CACNB2: variants seen among roughly 807,000 people sequenced by gnomAD.
CACNB2 encodes the protein voltage-dependent L-type calcium channel subunit beta-2.
A neutral mutation model predicts 73.3 loss-of-function variants in CACNB2; 42 were observed. That is an observed-to-expected ratio of 0.57 (90% CI 0.45 to 0.74). The LOEUF (loss-of-function observed/expected upper bound fraction) is 0.74. Ranked by LOEUF, CACNB2 falls within the 30% of genes least tolerant of loss-of-function variation. The pLI is 0.00. For missense variants in CACNB2, 940 were observed against 853.0 expected (o/e 1.10, Z -1.27); for synonymous variants, 348 against 310.3 (o/e 1.12, Z -1.28).
chr10:18,220,221 A>AGAGAGAGGG (rs1160775101), intron 2 of CACNB2, among the ~76,000 whole-genome samples: 3 of 57,268 alleles, frequency 5.2e-5, no homozygotes, highest in East Asian at 4.7e-4. Context: ...ATATATATAT[A>AGAGAGAGGG]TATATATATA....
In CACNB2 at chr10:18,543,554, C is replaced by T. The variant is rs963184314; in HGVS notation, c.*3830C>T. On this transcript the variant is annotated 3_prime_UTR_variant, in exon 14 of 14. Coordinates refer to ENST00000324631, the MANE Select transcript of CACNB2 (RefSeq NM_201596.3). ...GTTAAAATATATATTAATTTTCCCT[C>T]ACATTTCCCTGATTTTTTCACCTTA... 1.3e-5 allele frequency: 2 copies of T among 152,104 alleles called. No individual in the cohort carries two copies. Among genetic ancestry groups the T allele is most frequent in the African/African-American group, 4.8e-5 (2 of 41,416 alleles). 9.4% of individuals were successfully genotyped at this position (152,104 alleles called of 1,614,324 possible). A position where few individuals can be genotyped will look rare whatever the true frequency, so the allele number is the denominator to read the frequency against.
At position 18,539,365 on chromosome 10, in the gene CACNB2, C is replaced by T. The variant is rs750387227; in HGVS notation, c.1624C>T (p.Arg542Cys). The part of the protein sequence containing the change: ...SSSSAPHHNH[R>C]SGTSRGLSRQ... Reference sequence around the variant, plus strand: ...CTCCTCAGCCCCACACCACAACCATCGCAGTGGGACAAGTCGCGGCCTCTC... The same window carrying T: ...CTCCTCAGCCCCACACCACAACCATTGCAGTGGGACAAGTCGCGGCCTCTC... Residue 542 changes from arginine to cysteine, a missense_variant, in exon 14 of 14, where the codon CGC (arginine) becomes TGC (cysteine). Physicochemically the swap from Arg to Cys is radical, Grantham distance 180. Transcript: ENST00000324631. 7 of 1,614,000 alleles carry T rather than the reference C, an allele frequency of 4.3e-6. No individual in the cohort carries two copies. Among genetic ancestry groups the T allele is most frequent in the East Asian group, 2.2e-5 (1 of 44,874 alleles).
rs571951507 is a variant in CACNB2 at position 18,291,694 on chromosome 10, G to T, written c.214-110230G>T. Among the ~76,000 whole-genome samples the T allele has an allele frequency of 1.1e-4, 17 of 152,308 alleles. No individual in the cohort carries two copies. In the South Asian group the frequency reaches 3.3e-3, roughly 30 times the overall value. On this transcript the variant is annotated intron_variant, in intron 2 of 13. Coordinates refer to ENST00000324631, the MANE Select transcript of CACNB2 (RefSeq NM_201596.3). Reference sequence around the variant, plus strand: ...GATTTTCCATGTTGGTGAAACTATTGTTGACCGCTTCAGTACTGTATGTTG... The same window carrying T: ...GATTTTCCATGTTGGTGAAACTATTTTTGACCGCTTCAGTACTGTATGTTG...
chr10:18,463,283 G>A (rs4748469), intron 3 of CACNB2, among the ~76,000 whole-genome samples: 84,298 of 151,748 alleles, frequency 0.56, 25,486 homozygotes, highest in Non-Finnish European at 0.68. Context: ...CAGCATTTTC[G>A]GAGGCTGAGG....
intron 1 of CACNB2, among the ~76,000 whole-genome samples, chr10:18,144,989 G>A (rs78576113): frequency 1.3e-5 from 2 of 152,292 alleles, no homozygotes; most frequent in African/African-American, 4.8e-5. Flanking sequence ...AAGAGGAAAC[G>A]GAGGAGTAAC....
intron 2 of CACNB2, among the ~76,000 whole-genome samples, chr10:18,307,857 A>G (rs1377316910): frequency 1.3e-5 from 2 of 151,774 alleles, no homozygotes; most frequent in African/African-American, 4.9e-5. Flanking sequence ...ACATTTGCTT[A>G]CCCTGCAGAA....
rs568941317 is a variant in CACNB2, at chr10:18,292,652, T to C, written c.214-109272T>C. Among the ~76,000 whole-genome samples, 8 of 152,188 alleles carry C rather than the reference T, an allele frequency of 5.3e-5. No individual in the cohort carries two copies. The South Asian group carries it at 1.2e-3, about 24-fold the overall frequency. On this transcript the variant is annotated intron_variant, in intron 2 of 13. Transcript: ENST00000324631. ...GCCTGGGAGACAGAGTGAGACTCCATCTCAAAATAAAATAAAATTATATAT... is the reference window on the plus strand; with the variant it reads ...GCCTGGGAGACAGAGTGAGACTCCACCTCAAAATAAAATAAAATTATATAT...
At chr10:18,519,287 C>T (rs1392534655) in intron 9 of CACNB2, among the ~76,000 whole-genome samples, 1 of 152,188 alleles carries the variant, frequency 6.6e-6, no homozygotes, top group South Asian at 2.1e-4. Flanking sequence ...ATCCCTCTTC[C>T]ATTCACTTTT....
rs558589390 is a variant in CACNB2 at position 18,420,700 on chromosome 10, G to T, written c.333+18657G>T. Among the ~76,000 whole-genome samples the T allele has an allele frequency of 1.4e-4, 22 of 152,188 alleles. No individual in the cohort carries two copies. In the East Asian group the frequency reaches 4.3e-3, roughly 29 times the overall value. Reference sequence around the variant, plus strand: ...ATACCCAGAAATATTGTTTAAATTTGCACCCTGTGGTGCAATCAAGTTGAC... The same window carrying T: ...ATACCCAGAAATATTGTTTAAATTTTCACCCTGTGGTGCAATCAAGTTGAC... On this transcript the variant is annotated intron_variant, in intron 3 of 13. Transcript: ENST00000324631.
intron 2 of CACNB2, among the ~76,000 whole-genome samples, chr10:18,227,140 C>T (rs545085214): frequency 1.6e-4 from 25 of 152,114 alleles, no homozygotes; most frequent in Admixed American, 1.5e-3. Flanking sequence ...TGTCGAATAT[C>T]GTAATGGGGT....
chr10:18,452,882 A>C (rs758273346), intron 3 of CACNB2, among the ~76,000 whole-genome samples: 3 of 152,210 alleles, frequency 2.0e-5, no homozygotes, highest in Non-Finnish European at 4.4e-5. Context: ...GTGCAGAAGG[A>C]TATTAGAATA....
At chr10:18,246,778 T>A (rs1239325756) in intron 2 of CACNB2, among the ~76,000 whole-genome samples, 5 of 152,072 alleles carry the variant, frequency 3.3e-5, no homozygotes, top group Admixed American at 3.3e-4. Flanking sequence ...TGTTTTTTGT[T>A]TGTTTGTTTG....
intron 2 of CACNB2, among the ~76,000 whole-genome samples, chr10:18,270,005 G>GT (rs561426081): frequency 7.0e-4 from 106 of 152,186 alleles, no homozygotes; most frequent in African/African-American, 2.4e-3. Context: ...AGTTACCACA[G>GT]TAACTGCAGT....
At position 18,228,392 on chromosome 10, in the gene CACNB2, C is replaced by T. The variant is rs972638158; in HGVS notation, c.213+77417C>T. Among the ~76,000 whole-genome samples the T allele has an allele frequency of 4.3e-4, 51 of 117,624 alleles. 1 individual carries two copies. Among genetic ancestry groups the T allele is most frequent in the Non-Finnish European group, 3.3e-5 (2 of 61,368 alleles). The allele number at this position is 117,624 out of a possible 152,430, so 77.2% of individuals were successfully genotyped here. ...AGGTTGCGGTGAGCCGAGATGGCGA[C>T]ATTGCACTCCAGCCTGAGCAACAAG... On this transcript the variant is annotated intron_variant, in intron 2 of 13. Coordinates refer to ENST00000324631, the MANE Select transcript of CACNB2 (RefSeq NM_201596.3).
intron 3 of CACNB2, among the ~76,000 whole-genome samples, chr10:18,450,361 A>G (rs2046955722): frequency 6.6e-6 from 1 of 152,088 alleles, no homozygotes; most frequent in Non-Finnish European, 1.5e-5. Context: ...AATATCTTGT[A>G]TGCATTGTAC....
At chr10:18,288,096 T>C (rs1181049753) in intron 2 of CACNB2, among the ~76,000 whole-genome samples, 1 of 152,208 alleles carries the variant, frequency 6.6e-6, no homozygotes, top group Non-Finnish European at 1.5e-5. Flanking sequence ...ACCAGTCATA[T>C]TGGATTAAGG....
At chr10:18,422,518 C>G (rs1379218761) in intron 3 of CACNB2, among the ~76,000 whole-genome samples, 1 of 152,222 alleles carries the variant, frequency 6.6e-6, no homozygotes, top group African/African-American at 2.4e-5. Context: ...GTCTAGCATG[C>G]TATTGCTCTT....
intron 2 of CACNB2, among the ~76,000 whole-genome samples, chr10:18,250,680 G>A (rs2037054255): frequency 6.6e-6 from 1 of 152,146 alleles, no homozygotes; most frequent in African/African-American, 2.4e-5. Flanking sequence ...ACAGCCTAGT[G>A]GTAGAATCAA....
intron 2 of CACNB2, chr10:18,256,504 C>G (rs1022906028): frequency 6.6e-6 from 1 of 152,208 alleles, no homozygotes; most frequent in Non-Finnish European, 1.5e-5. Flanking sequence ...TTTGCTGGGA[C>G]CCAGGTAGTC....
Sources: gnomAD v4.1 joint callset for allele counts (sites outside exome capture counted in the v4.1 genomes callset) on GRCh38, gnomAD v4.1.1 for gene constraint, MANE v1.5 for transcripts, NCBI Gene and HGNC (gene_info 2026-07-23, HGNC 2026-07-21) for gene names.